The following FAM184B variants were observed in gnomAD, a reference collection of about 807,000 sequenced individuals.
FAM184B encodes the protein family with sequence similarity 184 member B.
FAM184B carries 111 observed loss-of-function variants against 135.9 expected under a neutral mutation model. The ratio of observed to expected loss-of-function variants is 0.82; its 90% CI spans 0.70 to 0.96. The LOEUF is 0.96. FAM184B is among the 40% of genes least tolerant of loss of function. The pLI is 0.00. For missense variants in FAM184B, 1,375 were observed against 1,323.9 expected (o/e 1.04, Z -0.60); for synonymous variants, 552 against 524.8 (o/e 1.05, Z -0.71).
chr4:17,770,172 T>C (rs1718783516), intron 1 of FAM184B, among the ~76,000 whole-genome samples: 1 of 152,230 alleles, frequency 6.6e-6, no homozygotes, highest in South Asian at 2.1e-4. Context: ...CTAAGTGAAA[T>C]TGGAATTGAA....
intron 1 of FAM184B, among the ~76,000 whole-genome samples, chr4:17,745,400 T>C (rs6844932): frequency 0.75 from 113,427 of 152,108 alleles, 42,944 homozygotes; most frequent in Non-Finnish European, 0.81. Flanking sequence ...CCCTGCCGCT[T>C]ACCAAGCTAC....
intron 1 of FAM184B, among the ~76,000 whole-genome samples, chr4:17,713,817 G>C (rs1210811410): frequency 6.6e-6 from 1 of 152,142 alleles, no homozygotes; most frequent in Non-Finnish European, 1.5e-5. Flanking sequence ...CTGGGCACTG[G>C]GGTTACCTGC....
At chr4:17,760,204 G>T (rs535291589) in intron 1 of FAM184B, among the ~76,000 whole-genome samples, 1 of 152,102 alleles carries the variant, frequency 6.6e-6, no homozygotes, top group Non-Finnish European at 1.5e-5. Flanking sequence ...GGTGGCTCAC[G>T]CCTGTAATCT....
At chr4:17,716,829 CT>C (rs1717409087) in intron 1 of FAM184B, among the ~76,000 whole-genome samples, 1 of 151,344 alleles carries the variant, frequency 6.6e-6, no homozygotes, top group Non-Finnish European at 1.5e-5. Context: ...TTATTTTATT[CT>C]ATTCTATTGT....
intron 11 of FAM184B, among the ~76,000 whole-genome samples, chr4:17,651,778 A>G (rs879420786): frequency 1.3e-5 from 2 of 152,084 alleles, no homozygotes; most frequent in African/African-American, 2.4e-5. Context: ...ACAGCTAGTG[A>G]GTGTTAGAGC....
Position 17,702,373 on chromosome 4 carries a change from G to C in FAM184B, c.1377+2627C>G, listed in dbSNP as rs550742668. On this transcript the variant is annotated intron_variant, in intron 5 of 17. Transcript: ENST00000265018. ...CTAATTATAGGATGTGTACTGTGCTGTCCATCAAGATTCGGTGACAGTATC... is the reference window on the plus strand; with the variant it reads ...CTAATTATAGGATGTGTACTGTGCTCTCCATCAAGATTCGGTGACAGTATC... 2.6e-5 allele frequency among the ~76,000 whole-genome samples: 4 copies of C among 152,246 alleles called. No homozygotes were observed. In the East Asian group the frequency reaches 7.7e-4, roughly 29 times the overall value.
intron 11 of FAM184B, among the ~76,000 whole-genome samples, chr4:17,651,541 AAAAAAAAAAAAAAAAAAAAAAAGAAG>A (rs1338783632): frequency 3.4e-5 from 5 of 146,588 alleles, no homozygotes; most frequent in Non-Finnish European, 7.5e-5. Flanking sequence ...CTGTCTCAAA[AAAAAAAAAAAAAAAAAAAAAAAGAAG>A]AAAAGAAACA....
intron 7 of FAM184B, among the ~76,000 whole-genome samples, chr4:17,665,788 T>G (rs955329970): frequency 1.3e-5 from 2 of 152,108 alleles, no homozygotes; most frequent in African/African-American, 4.8e-5. Flanking sequence ...CATTGCCAAA[T>G]CCAATGGTCG....
At chr4:17,632,714 T>TGCTTGTTTAC in intron 17 of FAM184B, 89 bp from the exon 18 acceptor site, 2 of 885,996 alleles carry the variant, frequency 2.3e-6, no homozygotes, top group Admixed American at 5.0e-5. Flanking sequence ...GAAAGATAAC[T>TGCTTGTTTAC]GCTTGTTTAC....
intron 1 of FAM184B, among the ~76,000 whole-genome samples, chr4:17,772,184 C>G (rs969598416): frequency 1.3e-5 from 2 of 152,092 alleles, no homozygotes; most frequent in African/African-American, 4.8e-5. Flanking sequence ...CCTCTAGAAA[C>G]AAATCAAATT....
chr4:17,750,920 G>A (rs1718275581), intron 1 of FAM184B, among the ~76,000 whole-genome samples: 1 of 152,056 alleles, frequency 6.6e-6, no homozygotes, highest in Admixed American at 6.6e-5. Flanking sequence ...TCAGTGACTG[G>A]CTTTGGTTAG....
intron 5 of FAM184B, among the ~76,000 whole-genome samples, chr4:17,697,798 G>A (rs978972728): frequency 3.9e-5 from 6 of 152,048 alleles, no homozygotes; most frequent in Non-Finnish European, 4.4e-5. Flanking sequence ...GCTTAACTTC[G>A]CAGTCTACAA....
At position 17,642,225 on chromosome 4, in the gene FAM184B, G is replaced by A. The variant is rs2286771; in HGVS notation, c.2350C>T (p.Arg784Trp). The stretch of plus-strand genomic sequence containing the variant: ...GAGCCGGCCTGGCCCGGGCCGCCCC[G>A]CTCCTGAGGAAGGCAACCAGGAGAG... ...SKDHIIATEERGGPGQAGSPP... is the reference protein window; with the variant it reads ...SKDHIIATEEWGGPGQAGSPP... Residue 784 changes from arginine to tryptophan, a missense_variant, in exon 13 of 18, where the codon CGG becomes TGG. Transcript: ENST00000265018. 0.59 allele frequency: 881,503 copies of A among 1,486,476 alleles called. 269,089 individuals carry two copies. The highest frequency in any genetic ancestry group is 0.9 in the East Asian group (34,597 of 38,410). The allele number at this position is 1,486,476 out of a possible 1,614,324, so 92.1% of individuals were successfully genotyped here.
chr4:17,709,631 A>C lies in FAM184B; in HGVS notation c.155T>G (p.Leu52Arg). The C allele has an allele frequency of 2.7e-6, 4 of 1,504,824 alleles. No individual in the cohort carries two copies. Among genetic ancestry groups the C allele is most frequent in the Non-Finnish European group, 3.5e-6 (4 of 1,127,714 alleles). 93.2% of individuals were successfully genotyped at this position (1,504,824 alleles called of 1,614,324 possible). ...IAQLTKVIYA[L>R]NTRQDEAEAS... ...CTCAGCCTCATCCTGGCGGGTGTTC[A>C]GGGCATAAATCACCTGCAGGAAAAT... Residue 52 changes from leucine to arginine, a missense_variant, in exon 2 of 18, where the codon CTG (leucine) becomes CGG (arginine). Physicochemically the swap from Leu to Arg is moderately radical, Grantham distance 102. Transcript: ENST00000265018.
intron 1 of FAM184B, among the ~76,000 whole-genome samples, chr4:17,764,764 C>T (rs1222538346): frequency 1.4e-5 from 2 of 146,972 alleles, no homozygotes; most frequent in Non-Finnish European, 1.5e-5. Flanking sequence ...TGGGAGCTTG[C>T]ATTAAAATGC....
intron 1 of FAM184B, among the ~76,000 whole-genome samples, chr4:17,733,982 G>C (rs999968131): frequency 2.0e-5 from 3 of 152,074 alleles, no homozygotes; most frequent in African/African-American, 4.8e-5. Context: ...CCAAAACAGA[G>C]ATATAGATCA....
At chr4:17,675,566 G>A (rs780388881) in intron 7 of FAM184B, among the ~76,000 whole-genome samples, 5 of 152,146 alleles carry the variant, frequency 3.3e-5, no homozygotes, top group African/African-American at 7.2e-5. Context: ...CCTTTGAAGC[G>A]TTGGAGCCAG....
chr4:17,739,464 C>T (rs551423252), intron 1 of FAM184B, among the ~76,000 whole-genome samples: 1 of 151,206 alleles, frequency 6.6e-6, no homozygotes, highest in Non-Finnish European at 1.5e-5. Context: ...CAGGCAGAAT[C>T]TGGGTGAAGA....
At chr4:17,712,129 T>C (rs746965170) in intron 1 of FAM184B, among the ~76,000 whole-genome samples, 2 of 152,210 alleles carry the variant, frequency 1.3e-5, no homozygotes, top group Non-Finnish European at 2.9e-5. Context: ...GGATGGGTTA[T>C]CTGGAGTTGG....
Sources: gnomAD v4.1 joint callset for allele counts (sites outside exome capture counted in the v4.1 genomes callset) on GRCh38, gnomAD v4.1.1 for gene constraint, MANE v1.5 for transcripts, NCBI Gene and HGNC (gene_info 2026-07-23, HGNC 2026-07-21) for gene names.